Variants in PGM1 observed in about 807,000 individuals in gnomAD.
PGM1 encodes the protein phosphoglucomutase-1.
In PGM1, 52 loss-of-function variants were observed where a neutral mutation model predicts 55.6. The ratio of observed to expected loss-of-function variants is 0.94; its 90% confidence interval spans 0.75 to 1.18. PGM1 has a LOEUF of 1.18. PGM1 is among the 50% of genes most tolerant of loss of function. PGM1 has a pLI of 0.00. For synonymous variants in PGM1, 287 were observed against 271.7 expected (o/e 1.06, Z -0.55); for missense variants, 724 against 729.3 (o/e 0.99, Z 0.08).
intron 10 of PGM1, among the ~76,000 whole-genome samples, chr1:63,659,125 AG>A (rs1245938630): frequency 1.3e-5 from 2 of 152,228 alleles, no homozygotes. Flanking sequence ...GTGGGGACAC[AG>A]AGCCAAACCA....
rs2100990594 is a variant in PGM1, at chr1:63,638,693, G to A, written c.1037G>A (p.Ser346Asn). The stretch of plus-strand genomic sequence containing the variant: ...ATTTCATGCCTTTGAAGGGTGGCTA[G>A]TGCTACAAAGATTGCTTTGTATGAG... ...PTSGALDRVASATKIALYETP... is the reference protein window; with the variant it reads ...PTSGALDRVANATKIALYETP... The change falls in exon 7 of 11, where the codon AGT becomes AAT. Residue 346 changes from serine to asparagine, a missense_variant. Transcript: ENST00000371084. The A allele has an allele frequency of 6.2e-7, 1 of 1,611,720 alleles. No homozygotes were observed. The highest frequency in any genetic ancestry group is 8.5e-7 in the Non-Finnish European group (1 of 1,177,782).
intron 6 of PGM1, among the ~76,000 whole-genome samples, chr1:63,637,702 T>C (rs1649398838): frequency 6.6e-6 from 1 of 152,200 alleles, no homozygotes; most frequent in Non-Finnish European, 1.5e-5. Flanking sequence ...GAGGTCACAC[T>C]ATCATATGTT....
intron 1 of PGM1, among the ~76,000 whole-genome samples, chr1:63,607,532 C>T (rs992882034): frequency 1.3e-5 from 2 of 152,200 alleles, no homozygotes; most frequent in South Asian, 2.1e-4. Flanking sequence ...GTGTGCCCAG[C>T]GAAGGCGTTC....
At chr1:63,595,013 T>G (rs1648018219) in intron 1 of PGM1, among the ~76,000 whole-genome samples, 1 of 151,712 alleles carries the variant, frequency 6.6e-6, no homozygotes, top group Non-Finnish European at 1.5e-5. Flanking sequence ...GGCTAATTAT[T>G]CACTTACTTT....
intron 3 of PGM1, among the ~76,000 whole-genome samples, chr1:63,631,409 C>T (rs146669687): frequency 1.3e-5 from 2 of 152,318 alleles, no homozygotes; most frequent in East Asian, 1.9e-4. Context: ...ACCCTTCACA[C>T]GTCGAGTTTC....
intron 7 of PGM1, among the ~76,000 whole-genome samples, chr1:63,648,055 CTT>C (rs2100997990): frequency 6.6e-6 from 1 of 152,278 alleles, no homozygotes; most frequent in Non-Finnish European, 1.5e-5. Flanking sequence ...CAGTGTGACT[CTT>C]TTATTTGGGT....
intron 1 of PGM1, among the ~76,000 whole-genome samples, chr1:63,608,468 G>C (rs1331095714): frequency 6.6e-6 from 1 of 152,224 alleles, no homozygotes; most frequent in African/African-American, 2.4e-5. Flanking sequence ...TGCTAAGCCA[G>C]TGCCCACCTC....
At chr1:63,643,464 C>G (rs1259068984) in intron 7 of PGM1, among the ~76,000 whole-genome samples, 1 of 152,194 alleles carries the variant, frequency 6.6e-6, no homozygotes, top group Admixed American at 6.5e-5. Context: ...AAACCAAGTT[C>G]CAGGGGCAGT....
At chr1:63,611,330 C>G (rs1034611695) in intron 1 of PGM1, among the ~76,000 whole-genome samples, 1 of 152,070 alleles carries the variant, frequency 6.6e-6, no homozygotes, top group Non-Finnish European at 1.5e-5. Context: ...GGGAGCAGCC[C>G]TTGCAAAACA....
intron 1 of PGM1, among the ~76,000 whole-genome samples, chr1:63,599,523 A>G (rs548712156): frequency 1.3e-5 from 2 of 151,804 alleles, no homozygotes; most frequent in South Asian, 2.1e-4. Context: ...CCACTTTTTA[A>G]TTATGGTGGG....
At chr1:63,654,664 G>A (rs1315588021) in intron 10 of PGM1, among the ~76,000 whole-genome samples, 198 bp downstream of exon 10, 1 of 151,990 alleles carries the variant, frequency 6.6e-6, no homozygotes, top group Non-Finnish European at 1.5e-5. Flanking sequence ...GCTGAGGTGG[G>A]AGGATCACCT....
At chr1:63,623,143 C>T in intron 1 of PGM1, 2 of 1,009,540 alleles carry the variant, frequency 2.0e-6, no homozygotes, top group Non-Finnish European at 1.2e-6. Context: ...GCTATCTCTA[C>T]CCTAACGGGG....
In PGM1 at chr1:63,633,890, G is replaced by C. The variant is rs1380239878; in HGVS notation, c.683-939G>C. Among the ~76,000 whole-genome samples, 24 of 44,924 alleles carry C rather than the reference G, an allele frequency of 5.3e-4. 1 individual carries two copies. Among genetic ancestry groups the C allele is most frequent in the East Asian group, 2.1e-3 (3 of 1,448 alleles). The allele number at this position is 44,924 out of a possible 152,430, so 29.5% of individuals were successfully genotyped here. ...TCTGTGTGTGTGTGTGTGTGTGTGTGTGTGTGTGTGTGTGTGTGTGTGTGT... is the reference window on the plus strand; with the variant it reads ...TCTGTGTGTGTGTGTGTGTGTGTGTCTGTGTGTGTGTGTGTGTGTGTGTGT... On this transcript the variant is annotated intron_variant, in intron 4 of 10. Coordinates refer to ENST00000371084, the MANE Select transcript of PGM1 (RefSeq NM_002633.3).
At position 63,654,406 on chromosome 1, in the gene PGM1, C is replaced by T. The variant is rs1277652299; in HGVS notation, c.1539C>T (p.Thr513=). Residue 513 remains threonine, a synonymous_variant, in exon 10 of 11, where the codon ACC becomes ACT. Transcript: ENST00000371084. The part of the protein sequence containing the change: ...RLSGTGSAGA[T]IRLYIDSYEK... ...GCGGCACTGGGAGTGCCGGGGCCAC[C>T]ATTCGGCTGTACATCGATAGCTATG... is the stretch of plus-strand genomic sequence containing the variant. 1 of 1,613,922 alleles carries T rather than the reference C, an allele frequency of 6.2e-7. No homozygotes were observed. Among genetic ancestry groups the T allele is most frequent in the East Asian group, 2.2e-5 (1 of 44,880 alleles).
At chr1:63,656,592 G>A (rs1051097078) in intron 10 of PGM1, among the ~76,000 whole-genome samples, 1 of 147,522 alleles carries the variant, frequency 6.8e-6, no homozygotes, top group African/African-American at 2.7e-5. Flanking sequence ...GTGTGTGTGT[G>A]TGTGTGTGTG....
intron 1 of PGM1, among the ~76,000 whole-genome samples, chr1:63,619,204 C>T (rs1197201275): frequency 2.0e-5 from 3 of 152,202 alleles, no homozygotes; most frequent in Non-Finnish European, 2.9e-5. Context: ...TTGCTCATGG[C>T]CTGGAGTCAG....
At chr1:63,631,083 C>G (rs1474079666) in intron 3 of PGM1, among the ~76,000 whole-genome samples, 1 of 152,092 alleles carries the variant, frequency 6.6e-6, no homozygotes, top group African/African-American at 2.4e-5. Flanking sequence ...CCTTGAACAT[C>G]CAACAAGAAC....
intron 1 of PGM1, among the ~76,000 whole-genome samples, chr1:63,615,052 A>T (rs531660542): frequency 1.2e-4 from 19 of 152,326 alleles, no homozygotes; most frequent in Middle Eastern, 3.4e-3. Context: ...CAGGGACTGT[A>T]CTTGATTCTT....
At chr1:63,646,166 T>G (rs538008448) in intron 7 of PGM1, among the ~76,000 whole-genome samples, 27 of 152,230 alleles carry the variant, frequency 1.8e-4, no homozygotes, top group African/African-American at 5.8e-4. Context: ...TGCTAGATAC[T>G]CTAACAATTC....
Sources: allele counts gnomAD v4.1 joint callset (sites outside exome capture counted in the v4.1 genomes callset), GRCh38; gene constraint gnomAD v4.1.1; transcripts MANE v1.5; gene names NCBI Gene and HGNC (gene_info 2026-07-23, HGNC 2026-07-21).